FREM2: variants seen among roughly 807,000 people sequenced by gnomAD.
FREM2 encodes FRAS1 related extracellular matrix 2.
In FREM2, 119 loss-of-function variants were observed where a neutral mutation model predicts 219.9. That is an observed-to-expected ratio of 0.54 (90% CI 0.47 to 0.63). FREM2 has a LOEUF of 0.63. FREM2 is among the 30% of genes least tolerant of loss of function. FREM2 has a pLI of 0.00. For missense variants in FREM2, 4,030 were observed against 3,993.6 expected (o/e 1.01, Z -0.25); for synonymous variants, 1,562 against 1,522.8 (o/e 1.03, Z -0.60).
rs1878745565 is a variant in FREM2, at chr13:38,886,710, A to G, written c.*5923A>G. Reference sequence around the variant, plus strand: ...CCACCACAAGATATTTTTAAAGCCCATTTGTCTATAAAAGAAAACTCTTGG... The same window carrying G: ...CCACCACAAGATATTTTTAAAGCCCGTTTGTCTATAAAAGAAAACTCTTGG... On this transcript the variant is annotated 3_prime_UTR_variant, in exon 24 of 24. Coordinates refer to ENST00000280481, the MANE Select transcript of FREM2 (RefSeq NM_207361.6). 6.6e-6 allele frequency: 1 copy of G among 152,130 alleles called. No individual in the cohort carries two copies. Among genetic ancestry groups the G allele is most frequent in the African/African-American group, 2.4e-5 (1 of 41,434 alleles). The allele number at this position is 152,130 out of a possible 1,614,324, so 9.4% of individuals were successfully genotyped here.
rs1868463 is a variant in FREM2, at chr13:38,692,347, G to T, written c.5003G>T (p.Arg1668Leu). The T allele has an allele frequency of 4.4e-6, 7 of 1,603,738 alleles. No homozygotes were observed. Among genetic ancestry groups the T allele is most frequent in the African/African-American group, 1.3e-5 (1 of 74,446 alleles). ...GTGAATAAGGGGGCCTCTACACTTC[G>T]CACTCTAGCCACTGGCCACTTGGGG... ...IAVNKGASTLRTLATGHLGFM... is the reference protein window; with the variant it reads ...IAVNKGASTLLTLATGHLGFM... Residue 1668 changes from arginine (R) to leucine (L), a missense_variant, in exon 1 of 24, where the codon CGC (arginine) becomes CTC (leucine). Transcript: ENST00000280481.
chr13:38,850,087 T>C lies in FREM2; in HGVS notation c.6429T>C (p.Asp2143=), dbSNP rs1877311649. ...GAATATATACTGGCAGCGAAAGTGATGGGCAGATAGTTACAATGATCCATA... is the reference window on the plus strand; with the variant it reads ...GAATATATACTGGCAGCGAAAGTGACGGGCAGATAGTTACAATGATCCATA... ...KERIYTGSES[D]GQIVTMIHRT... Residue 2143 remains aspartate, a synonymous_variant, in exon 9 of 24, where the codon GAT becomes GAC. Coordinates refer to ENST00000280481, the MANE Select transcript of FREM2 (RefSeq NM_207361.6). 1.2e-6 allele frequency: 2 copies of C among 1,613,942 alleles called. No individual in the cohort carries two copies. Among genetic ancestry groups the C allele is most frequent in the Non-Finnish European group, 1.7e-6 (2 of 1,179,942 alleles).
chr13:38,866,535 G>A lies in FREM2; in HGVS notation c.7983+1929G>A, dbSNP rs547497213. ...AAAATAAAATTAGCCGGGCGTGGTG[G>A]CGCATGCCTGTAATCCCAGCTACTC... On this transcript the variant is annotated intron_variant, in intron 16 of 23. Transcript: ENST00000280481. Among the ~76,000 whole-genome samples the A allele has an allele frequency of 2.3e-3, 344 of 151,832 alleles. 1 individual carries two copies. The highest frequency in any genetic ancestry group is 2.9e-3 in the Non-Finnish European group (198 of 67,948).
intron 20 of FREM2, 43 bp downstream of exon 20, chr13:38,876,425 A>G: frequency 1.9e-6 from 3 of 1,551,726 alleles, no homozygotes; most frequent in Non-Finnish European, 2.6e-6. Context: ...GCAGAATCCC[A>G]CTTTGTTTTT....
chr13:38,716,587 A>AG (rs1486919931), intron 2 of FREM2, among the ~76,000 whole-genome samples: 2 of 151,832 alleles, frequency 1.3e-5, no homozygotes, highest in Non-Finnish European at 2.9e-5. Flanking sequence ...ATCTCAGCTC[A>AG]CTGAGATCAT....
At chr13:38,855,537 CT>C in intron 11 of FREM2, among the ~76,000 whole-genome samples, 1 of 152,260 alleles carries the variant, frequency 6.6e-6, no homozygotes, top group South Asian at 2.1e-4. Context: ...GAACCAATGT[CT>C]TATTATTAAA....
rs1256141351 is a variant in FREM2 at position 38,851,691 on chromosome 13, G to A, written c.6748G>A (p.Val2250Ile). 1.2e-6 allele frequency: 2 copies of A among 1,604,084 alleles called. No individual in the cohort carries two copies. The highest frequency in any genetic ancestry group is 2.7e-5 in the African/African-American group (2 of 74,702). ...TTTGTTTCCCACAATTTTAGAGACT[G>A]TTATTAAATTTGGAGAAACCAAATT... ...IRIRDDADKTVIKFGETKFSV... is the reference protein window; with the variant it reads ...IRIRDDADKTIIKFGETKFSV... Residue 2250 changes from valine to isoleucine, a missense_variant, in exon 11 of 24, where the codon GTT becomes ATT. Physicochemically the swap from Val to Ile is conservative, Grantham distance 29 (BLOSUM62 3). Coordinates refer to ENST00000280481, the MANE Select transcript of FREM2 (RefSeq NM_207361.6).
chr13:38,802,908 A>G (rs1316757797), intron 6 of FREM2, among the ~76,000 whole-genome samples: 1 of 152,020 alleles, frequency 6.6e-6, no homozygotes, highest in Non-Finnish European at 1.5e-5. Context: ...CCCTTTCCGC[A>G]CTTGTGGGAG....
intron 2 of FREM2, among the ~76,000 whole-genome samples, chr13:38,718,622 C>T (rs1476343003): frequency 6.6e-6 from 1 of 152,188 alleles, no homozygotes; most frequent in East Asian, 1.9e-4. Flanking sequence ...TAATGGCTCT[C>T]ATTCTACCAG....
intron 2 of FREM2, among the ~76,000 whole-genome samples, chr13:38,707,875 A>G (rs1470629075): frequency 6.6e-6 from 1 of 152,194 alleles, no homozygotes. Flanking sequence ...GCTACATTTA[A>G]TCCTTTAGGA....
At chr13:38,782,091 C>T (rs772501659) in intron 4 of FREM2, among the ~76,000 whole-genome samples, 4 of 152,166 alleles carry the variant, frequency 2.6e-5, no homozygotes, top group African/African-American at 4.8e-5. Flanking sequence ...TGGGGCACAG[C>T]GCAGGGTGAA....
chr13:38,709,887 T>C (rs1207658732), intron 2 of FREM2, among the ~76,000 whole-genome samples: 3 of 151,976 alleles, frequency 2.0e-5, no homozygotes, highest in African/African-American at 4.8e-5. Context: ...CTCATGCCTA[T>C]AATCCCAGCA....
intron 6 of FREM2, among the ~76,000 whole-genome samples, chr13:38,813,090 A>G (rs1473078389): frequency 6.6e-6 from 1 of 152,064 alleles, no homozygotes; most frequent in East Asian, 1.9e-4. Context: ...AGAGAAGTTT[A>G]TAACACCACA....
At chr13:38,793,871 C>G (rs1228730586) in intron 6 of FREM2, among the ~76,000 whole-genome samples, 1 of 152,096 alleles carries the variant, frequency 6.6e-6, no homozygotes, top group African/African-American at 2.4e-5. Flanking sequence ...GCTTTGGTTT[C>G]TAGTTAGAGC....
chr13:38,783,807 A>G (rs1391012087), intron 5 of FREM2, among the ~76,000 whole-genome samples: 1 of 152,176 alleles, frequency 6.6e-6, no homozygotes, highest in Non-Finnish European at 1.5e-5. Flanking sequence ...TTAAAAGCCG[A>G]CTTCAGAGGC....
rs369078365 is a variant in FREM2, at chr13:38,876,225, A to G, written c.8410-23A>G. 34 of 1,613,892 alleles carry G rather than the reference A, an allele frequency of 2.1e-5. No individual in the cohort carries two copies. The African/African-American group carries it at 3.5e-4, about 16-fold the overall frequency. Reference sequence around the variant, plus strand: ...TACACCTCAGATTTTTAAATGTAATATATCAATATCTTCTCCTCAAAGGTA... The same window carrying G: ...TACACCTCAGATTTTTAAATGTAATGTATCAATATCTTCTCCTCAAAGGTA... On this transcript the variant is annotated intron_variant, in intron 19 of 23. Transcript: ENST00000280481.
intron 6 of FREM2, among the ~76,000 whole-genome samples, chr13:38,802,130 C>T (rs192150499): frequency 1.4e-4 from 22 of 152,252 alleles, no homozygotes; most frequent in African/African-American, 4.3e-4. Flanking sequence ...TCAGGACCCC[C>T]GGTAGTGTGT....
chr13:38,795,287 T>C (rs1874724744), intron 6 of FREM2, among the ~76,000 whole-genome samples: 1 of 151,498 alleles, frequency 6.6e-6, no homozygotes, highest in Admixed American at 6.6e-5. Flanking sequence ...AAGCCTGTTG[T>C]ACACCCTGGA....
intron 2 of FREM2, among the ~76,000 whole-genome samples, chr13:38,718,031 G>A (rs999207242): frequency 6.6e-6 from 1 of 152,112 alleles, no homozygotes; most frequent in Admixed American, 6.5e-5. Context: ...ATCACAATTA[G>A]CAATTAGCAA....
Sources: gnomAD v4.1 joint callset for allele counts (sites outside exome capture counted in the v4.1 genomes callset) on GRCh38, gnomAD v4.1.1 for gene constraint, MANE v1.5 for transcripts, NCBI Gene and HGNC (gene_info 2026-07-23, HGNC 2026-07-21) for gene names.